The following UPF2 variants were observed in gnomAD, a reference collection of about 807,000 sequenced individuals.
The protein encoded by UPF2 is UPF2 regulator of nonsense mediated mRNA decay.
A neutral mutation model predicts 141.4 loss-of-function variants in UPF2; 17 were observed. That is an observed-to-expected ratio of 0.12 (90% CI 0.08 to 0.18). The LOEUF (loss-of-function observed/expected upper bound fraction) is 0.18. UPF2 is among the 10% of genes least tolerant of loss of function. UPF2 has a pLI of 1.00. For missense variants in UPF2, 1,152 were observed against 1,515.9 expected (o/e 0.76, Z 3.99); for synonymous variants, 540 against 498.0 (o/e 1.08, Z -1.12).
chr10:12,038,964 G>C (rs1834685836), intron 1 of UPF2, among the ~76,000 whole-genome samples: 1 of 151,910 alleles, frequency 6.6e-6, no homozygotes, highest in African/African-American at 2.4e-5. Flanking sequence ...ACTATACCCG[G>C]GCAGCATTTC....
At position 11,985,884 on chromosome 10, in the gene UPF2, C is replaced by CTT. The variant is rs746117868; in HGVS notation, c.1845-6721_1845-6720dup. ...CAACTGAAAAATAATTAGATCCTTCCTTTTTTTTTTTTTTTTGTGAGACGG... is the reference window on the plus strand; with the variant it reads ...CAACTGAAAAATAATTAGATCCTTCCTTTTTTTTTTTTTTTTTTGTGAGACGG... On this transcript the variant is annotated intron_variant, in intron 8 of 21. Transcript: ENST00000357604. Among the ~76,000 whole-genome samples the CTT allele has an allele frequency of 1.9e-4, 19 of 100,746 alleles. 1 individual carries two copies. The highest frequency in any genetic ancestry group is 6.3e-4 in the African/African-American group (15 of 23,646). 66.1% of individuals were successfully genotyped at this position (100,746 alleles called of 152,430 possible).
At position 11,982,713 on chromosome 10, in the gene UPF2, G is replaced by A. The variant is rs138359036; in HGVS notation, c.1845-3548C>T. Reference sequence around the variant, plus strand: ...GCCATCTTGGATCACCACGACCTCCGCCTCCCAAGCGATTCTCCTGCCTCA... The same window carrying A: ...GCCATCTTGGATCACCACGACCTCCACCTCCCAAGCGATTCTCCTGCCTCA... On this transcript the variant is annotated intron_variant, in intron 8 of 21. Transcript: ENST00000357604. 4.1e-4 allele frequency among the ~76,000 whole-genome samples: 63 copies of A among 151,970 alleles called. 1 individual carries two copies. Among genetic ancestry groups the A allele is most frequent in the African/African-American group, 1.2e-3 (49 of 41,420 alleles).
chr10:11,963,518 T>C (rs1833272717), intron 11 of UPF2, among the ~76,000 whole-genome samples: 1 of 152,156 alleles, frequency 6.6e-6, no homozygotes, highest in South Asian at 2.1e-4. Context: ...AAAATGTGTT[T>C]GTAGAGAGGA....
intron 3 of UPF2, 74 bp downstream of exon 3, chr10:12,028,671 C>T (rs995386216): frequency 1.9e-5 from 27 of 1,446,298 alleles, no homozygotes; most frequent in African/African-American, 2.8e-5. Flanking sequence ...CTTTCAGTGG[C>T]ATGAAGACTT....
At position 11,956,776 on chromosome 10, in the gene UPF2, T is replaced by C. The variant is rs935669598; in HGVS notation, c.2371-253A>G. ...TTTTCAGGTCTTCAATCTAGGTGAC[T>C]GTTCTCAGGTCATTAAAATAAATAT... On this transcript the variant is annotated intron_variant, in intron 12 of 21. Transcript: ENST00000357604. This position sits in a 1 kb window ranked among gnomAD's most constrained non-coding sequence, Gnocchi z 4.2. 6.6e-6 allele frequency among the ~76,000 whole-genome samples: 1 copy of C among 152,226 alleles called. No homozygotes were observed. Among genetic ancestry groups the C allele is most frequent in the Admixed American group, 6.5e-5 (1 of 15,272 alleles).
chr10:11,984,739 G>T (rs1055952418), intron 8 of UPF2, among the ~76,000 whole-genome samples: 1 of 147,452 alleles, frequency 6.8e-6, no homozygotes, highest in Non-Finnish European at 1.5e-5. Flanking sequence ...AAAAAAAAGA[G>T]TCTCACTCTG....
At chr10:11,993,578 T>C (rs1043477929) in intron 8 of UPF2, among the ~76,000 whole-genome samples, 1 of 151,312 alleles carries the variant, frequency 6.6e-6, no homozygotes, top group Non-Finnish European at 1.5e-5. Context: ...AAAATATAAA[T>C]TATTGACAAA....
chr10:11,963,861 C>T (rs1833277628), intron 11 of UPF2, 148 bp downstream of exon 11: 1 of 563,090 alleles, frequency 1.8e-6, no homozygotes, highest in Admixed American at 2.8e-5. Context: ...GGGATTGCAA[C>T]TCATATGTAT....
At chr10:11,986,959 A>G (rs1173129242) in intron 8 of UPF2, among the ~76,000 whole-genome samples, 4 of 152,228 alleles carry the variant, frequency 2.6e-5, no homozygotes, top group African/African-American at 9.6e-5. Context: ...TTCACCTCTG[A>G]AGAGTATTCT....
chr10:11,997,740 G>A lies in UPF2; in HGVS notation c.1776C>T (p.Cys592=). Residue 592 remains cysteine (C), a synonymous_variant, in exon 8 of 22, where the codon TGC becomes TGT. Transcript: ENST00000357604. ...DLIDKAAMDF[C]MNMNTKANRK... is the part of the protein sequence containing the mutation. ...TGTTTGCTTTTGTGTTCATGTTCATGCAAAAATCCATTGCTGCCTATTGGG... is the reference window on the plus strand; with the variant it reads ...TGTTTGCTTTTGTGTTCATGTTCATACAAAAATCCATTGCTGCCTATTGGG... 2.5e-6 allele frequency: 4 copies of A among 1,613,732 alleles called. No homozygotes were observed. The highest frequency in any genetic ancestry group is 3.4e-6 in the Non-Finnish European group (4 of 1,179,832).
At chr10:11,963,440 G>A (rs1833271499) in intron 11 of UPF2, among the ~76,000 whole-genome samples, 1 of 152,056 alleles carries the variant, frequency 6.6e-6, no homozygotes, top group Admixed American at 6.5e-5. Context: ...AAGTTCCAGA[G>A]ATCCTCCCAC....
Position 12,014,015 on chromosome 10 carries a change from A to G in UPF2, c.1306+9T>C. Reference sequence around the variant, plus strand: ...AAACACAATGTTTGTTTTTAAGGATATCTCTTACCTTCTGGTGTTGGTTTG... The same window carrying G: ...AAACACAATGTTTGTTTTTAAGGATGTCTCTTACCTTCTGGTGTTGGTTTG... On this transcript the variant is annotated intron_variant, in intron 4 of 21. Transcript: ENST00000357604. The surrounding 1 kb of genome is among the most constrained non-coding windows in gnomAD (Gnocchi z 5.0). 1 of 1,521,588 alleles carries G rather than the reference A, an allele frequency of 6.6e-7. No homozygotes were observed. The allele number at this position is 1,521,588 out of a possible 1,614,324, so 94.3% of individuals were successfully genotyped here. A position where few individuals can be genotyped will look rare whatever the true frequency, so the allele number is the denominator to read the frequency against.
At chr10:11,999,103 A>G (rs1833911135) in intron 7 of UPF2, among the ~76,000 whole-genome samples, 1 of 152,058 alleles carries the variant, frequency 6.6e-6, no homozygotes, top group Non-Finnish European at 1.5e-5. Context: ...TTTTAATTGC[A>G]AATGCATGGT....
At chr10:12,028,669 G>A (rs1195414427) in intron 3 of UPF2, 76 bp downstream of exon 3, 4 of 1,433,150 alleles carry the variant, frequency 2.8e-6, no homozygotes, top group Non-Finnish European at 3.7e-6. Context: ...TTCTTTCAGT[G>A]GCATGAAGAC....
At position 12,001,839 on chromosome 10, in the gene UPF2, A is replaced by G; in HGVS notation, c.1505-14T>C. ...ATTCTTTTGCCTCTGTTGAAAAACA[A>G]ACAAGTATACCTAAATTCAAAGTCA... On this transcript the variant is annotated splice_polypyrimidine_tract_variant and intron_variant, in intron 5 of 21. Coordinates refer to ENST00000357604, the MANE Select transcript of UPF2 (RefSeq NM_015542.4). 6.3e-7 allele frequency: 1 copy of G among 1,576,844 alleles called. No individual in the cohort carries two copies. The highest frequency in any genetic ancestry group is 8.6e-7 in the Non-Finnish European group (1 of 1,164,410).
At chr10:12,020,341 T>A (rs1782404346) in intron 3 of UPF2, among the ~76,000 whole-genome samples, 1 of 151,886 alleles carries the variant, frequency 6.6e-6, no homozygotes, top group East Asian at 1.9e-4. Flanking sequence ...AACCTCTGCC[T>A]CCCGGGTTCA....
intron 20 of UPF2, among the ~76,000 whole-genome samples, chr10:11,930,492 T>C (rs896961268): frequency 1.3e-5 from 2 of 152,240 alleles, no homozygotes; most frequent in Non-Finnish European, 2.9e-5. Flanking sequence ...TTAAGAATGT[T>C]GGAGCCGGGT....
Position 11,938,186 on chromosome 10 carries a change from C to T in UPF2, c.3379-1474G>A, listed in dbSNP as rs148376852. Among the ~76,000 whole-genome samples, 252 of 152,214 alleles carry T rather than the reference C, an allele frequency of 1.7e-3. 1 individual carries two copies. Among genetic ancestry groups the T allele is most frequent in the African/African-American group, 5.6e-3 (233 of 41,536 alleles). ...AGCAACCACAATGCATATTGCTGTA[C>T]ACTCAACATACATATTTTTTCTTCT... On this transcript the variant is annotated intron_variant, in intron 18 of 21. Transcript: ENST00000357604.
intron 18 of UPF2, among the ~76,000 whole-genome samples, chr10:11,938,176 T>C (rs1002294904): frequency 3.9e-5 from 6 of 152,188 alleles, no homozygotes; most frequent in Admixed American, 1.3e-4. Context: ...CCACAATGCA[T>C]ATTGCTGTAC....
Sources: allele counts gnomAD v4.1 joint callset (sites outside exome capture counted in the v4.1 genomes callset), GRCh38; gene constraint gnomAD v4.1.1; non-coding constraint Gnocchi (gnomAD v3.1); transcripts MANE v1.5; gene names NCBI Gene and HGNC (gene_info 2026-07-23, HGNC 2026-07-21).